Variants in KCNN2 observed in about 807,000 individuals in gnomAD.
The protein encoded by KCNN2 is small conductance calcium-activated potassium channel protein 2.
Under a neutral mutation model 55.5 loss-of-function variants are expected in KCNN2, and 24 were observed. The ratio of observed to expected loss-of-function variants is 0.43; its 90% CI spans 0.31 to 0.61. KCNN2 has a LOEUF of 0.61. KCNN2 is among the 20% of genes least tolerant of loss of function. KCNN2 has a pLI of 0.08. For missense variants in KCNN2, 754 were observed against 853.6 expected, an observed-to-expected ratio of 0.88 and a Z score of 1.45; for synonymous variants, 431 against 336.1, an observed-to-expected ratio of 1.28 and a Z score of -3.09.
intron 1 of KCNN2, chr5:114,057,048 A>G (rs979177117): frequency 8.5e-5 from 13 of 152,162 alleles, no homozygotes; most frequent in African/African-American, 3.1e-4. Context: ...TGTTTTCTAG[A>G]AAATAAATTG....
chr5:114,479,588 C>T (rs949772043), intron 5 of KCNN2, among the ~76,000 whole-genome samples: 9 of 152,046 alleles, frequency 5.9e-5, no homozygotes, highest in East Asian at 1.9e-4. Flanking sequence ...TTGTTCTGAT[C>T]GCTATGTGGC....
At chr5:114,480,125 A>G (rs1174241531) in intron 5 of KCNN2, among the ~76,000 whole-genome samples, 1 of 152,138 alleles carries the variant, frequency 6.6e-6, no homozygotes, top group Non-Finnish European at 1.5e-5. Flanking sequence ...ACCACTAGAT[A>G]GACAAAGAAG....
rs575481261 is a variant in KCNN2 at position 114,139,466 on chromosome 5, C to A, written c.-270-82014C>A. On this transcript the variant is annotated intron_variant, in intron 1 of 10. Transcript: ENST00000512097. ...ACACACACTCACACAACCACCCCCC[C>A]CACACACACACACCAGAAAGGAAAA... Among the ~76,000 whole-genome samples, 80 of 149,782 alleles carry A rather than the reference C, an allele frequency of 5.3e-4. 3 individuals are homozygous for A. Among genetic ancestry groups the A allele is most frequent in the Non-Finnish European group, 2.8e-4 (19 of 67,212 alleles).
chr5:114,068,081 A>C (rs1332211094), intron 1 of KCNN2, among the ~76,000 whole-genome samples: 2 of 152,228 alleles, frequency 1.3e-5, no homozygotes, highest in Non-Finnish European at 2.9e-5. Context: ...GTCATGGTTG[A>C]TGATTAATTA....
rs73782168 is a variant in KCNN2 at position 114,129,781 on chromosome 5, A to G, written c.-271+73281A>G. Among the ~76,000 whole-genome samples the G allele has an allele frequency of 2.7e-3, 418 of 152,340 alleles. 2 individuals carry two copies. Among genetic ancestry groups the G allele is most frequent in the African/African-American group, 9.4e-3 (391 of 41,568 alleles). On this transcript the variant is annotated intron_variant, in intron 1 of 10. Transcript: ENST00000512097. ...CTTGGCCATTGTGGAGACCTGCATC[A>G]TAGACTGTTGGCTCAGTGGCATGAA... is the stretch of plus-strand genomic sequence containing the variant.
chr5:114,423,483 T>C (rs1365784620), intron 3 of KCNN2, among the ~76,000 whole-genome samples: 1 of 152,142 alleles, frequency 6.6e-6, no homozygotes, highest in Non-Finnish European at 1.5e-5. Flanking sequence ...TTGCCCTTAC[T>C]TATATTAAGA....
intron 2 of KCNN2, among the ~76,000 whole-genome samples, chr5:114,240,590 C>A (rs538297646): frequency 3.3e-5 from 5 of 151,958 alleles, no homozygotes; most frequent in African/African-American, 1.2e-4. Flanking sequence ...CGTCACCATG[C>A]CCGTCTAATT....
At chr5:114,488,054 T>A (rs1426715197) in intron 6 of KCNN2, among the ~76,000 whole-genome samples, 2 of 152,210 alleles carry the variant, frequency 1.3e-5, no homozygotes, top group Non-Finnish European at 2.9e-5. Flanking sequence ...CAATTTTTAT[T>A]TTGCATGTTC....
chr5:114,281,631 G>C (rs1345506584), intron 2 of KCNN2, among the ~76,000 whole-genome samples: 1 of 151,554 alleles, frequency 6.6e-6, no homozygotes, highest in Non-Finnish European at 1.5e-5. Context: ...ATCTCTGTGT[G>C]TGTGTGTGTG....
intron 1 of KCNN2, among the ~76,000 whole-genome samples, chr5:114,088,168 C>G (rs189809354): frequency 9.0e-4 from 137 of 152,014 alleles, no homozygotes; most frequent in Middle Eastern, 6.8e-3. Context: ...TATAGTTTTT[C>G]TCTTTCAGAA....
At chr5:114,172,104 TG>T (rs1753044941) in intron 1 of KCNN2, among the ~76,000 whole-genome samples, 1 of 151,924 alleles carries the variant, frequency 6.6e-6, no homozygotes, top group South Asian at 2.1e-4. Context: ...GATAAGCCTT[TG>T]GAGATGACCA....
intron 1 of KCNN2, among the ~76,000 whole-genome samples, chr5:114,177,362 C>T (rs949054477): frequency 4.6e-5 from 7 of 152,106 alleles, no homozygotes; most frequent in Non-Finnish European, 8.8e-5. Context: ...TGGTCTCGAT[C>T]TCCTGACCTC....
At chr5:114,247,202 C>CAAAAAAAAAAAAAAAAAAAAAAAAAAAAA (rs370172975) in intron 2 of KCNN2, among the ~76,000 whole-genome samples, 1 of 68,096 alleles carries the variant, frequency 1.5e-5, no homozygotes, top group African/African-American at 5.8e-5. Flanking sequence ...CATATGTCTC[C>CAAAAAAAAAAAAAAAAAAAAAAAAAAAAA]AAAAAAAAAA....
intron 5 of KCNN2, among the ~76,000 whole-genome samples, chr5:114,480,795 G>A (rs1291753609): frequency 1.3e-5 from 2 of 152,078 alleles, no homozygotes; most frequent in Admixed American, 1.3e-4. Flanking sequence ...ATGCAGAAAA[G>A]GCCATCAAAA....
chr5:114,082,143 G>C (rs1750839950), intron 1 of KCNN2, among the ~76,000 whole-genome samples: 1 of 152,010 alleles, frequency 6.6e-6, no homozygotes, highest in South Asian at 2.1e-4. Flanking sequence ...CAGCCCAAGA[G>C]TTTGATACCA....
At chr5:114,321,304 G>T (rs9326922) in intron 2 of KCNN2, among the ~76,000 whole-genome samples, 26,684 of 152,004 alleles carry the variant, frequency 0.18, 3,827 homozygotes, top group East Asian at 0.8. Flanking sequence ...GTTCATGTGT[G>T]CCCCCAAACT....
intron 1 of KCNN2, among the ~76,000 whole-genome samples, chr5:114,194,346 A>C (rs1283301436): frequency 6.6e-6 from 1 of 151,968 alleles, no homozygotes; most frequent in Admixed American, 6.6e-5. Context: ...ATTTCTCCAC[A>C]TTTTGCCTAC....
rs542614216 is a variant in KCNN2, at chr5:114,462,569, T to G, written c.1638-480T>G. 2.8e-4 allele frequency among the ~76,000 whole-genome samples: 43 copies of G among 152,280 alleles called. No homozygotes were observed. The Middle Eastern group carries it at 0.01, about 36-fold the overall frequency. On this transcript the variant is annotated intron_variant, in intron 3 of 7. Coordinates refer to ENST00000673685, the MANE Select transcript of KCNN2 (RefSeq NM_021614.4). ...AGAGAAGACAGAAAAGGCTCCCACTTGAACTTACTTTGAAGGATGAAGAGG... is the reference window on the plus strand; with the variant it reads ...AGAGAAGACAGAAAAGGCTCCCACTGGAACTTACTTTGAAGGATGAAGAGG...
At chr5:114,140,833 G>A (rs1023845995) in intron 1 of KCNN2, among the ~76,000 whole-genome samples, 8 of 150,010 alleles carry the variant, frequency 5.3e-5, no homozygotes, top group African/African-American at 2.0e-4. Context: ...CCGTCGCCTA[G>A]GCTGGAGTAC....
Sources: allele counts gnomAD v4.1 joint callset (sites outside exome capture counted in the v4.1 genomes callset), GRCh38; gene constraint gnomAD v4.1.1; transcripts MANE v1.5; gene names NCBI Gene and HGNC (gene_info 2026-07-23, HGNC 2026-07-21).